The following SGCZ variants were observed in gnomAD, a reference collection of about 807,000 sequenced individuals.
The protein encoded by SGCZ is sarcoglycan zeta.
SGCZ carries 40 observed loss-of-function variants against 41.3 expected under a neutral mutation model. The observed-to-expected ratio is 0.97, with a 90% CI of 0.75 to 1.26. The LOEUF (loss-of-function observed/expected upper bound fraction) is 1.26, where lower values mean the gene tolerates loss of function less well. Ranked by LOEUF, SGCZ falls within the 50% of genes most tolerant of loss-of-function variation. The probability of loss-of-function intolerance (pLI) is 0.00; values close to 1 mark genes in which losing one functional copy is unlikely to be tolerated. For missense variants in SGCZ, 552 were observed against 369.8 expected, an observed-to-expected ratio of 1.49 and a Z score of -4.04; for synonymous variants, 206 against 137.5, an observed-to-expected ratio of 1.50 and a Z score of -3.49.
chr8:14,467,744 A>T (rs1801093075), intron 2 of SGCZ, among the ~76,000 whole-genome samples: 1 of 151,890 alleles, frequency 6.6e-6, no homozygotes, highest in Non-Finnish European at 1.5e-5. Context: ...AATCCTCCTC[A>T]TGTGCTTGCT....
intron 1 of SGCZ, among the ~76,000 whole-genome samples, chr8:14,616,038 C>T (rs1806089552): frequency 6.6e-6 from 1 of 152,084 alleles, no homozygotes; most frequent in African/African-American, 2.4e-5. Context: ...AATCCCAGCA[C>T]TTTGGGAGGC....
chr8:15,020,017 T>C (rs1803192077), intron 1 of SGCZ, among the ~76,000 whole-genome samples: 1 of 151,888 alleles, frequency 6.6e-6, no homozygotes, highest in African/African-American at 2.4e-5. Context: ...TATAAGTGCA[T>C]ATATTTTATG....
At chr8:14,642,228 T>A (rs898361322) in intron 1 of SGCZ, among the ~76,000 whole-genome samples, 1 of 151,774 alleles carries the variant, frequency 6.6e-6, no homozygotes, top group East Asian at 2.0e-4. Flanking sequence ...GAGAATCAGA[T>A]GGGACAAAAT....
chr8:14,153,485 T>C (rs1318383130), intron 5 of SGCZ, among the ~76,000 whole-genome samples: 1 of 152,010 alleles, frequency 6.6e-6, no homozygotes, highest in East Asian at 1.9e-4. Context: ...AAATGATACA[T>C]CCCATAGAGT....
chr8:14,277,048 A>C (rs1395462684), intron 3 of SGCZ, among the ~76,000 whole-genome samples: 1 of 152,008 alleles, frequency 6.6e-6, no homozygotes, highest in Non-Finnish European at 1.5e-5. Context: ...TTCCTTCCTC[A>C]CTTTGTTTGT....
At chr8:14,249,045 A>C (rs1258960449) in intron 3 of SGCZ, among the ~76,000 whole-genome samples, 2 of 152,218 alleles carry the variant, frequency 1.3e-5, no homozygotes, top group Admixed American at 1.3e-4. Context: ...ATGGGTGTCC[A>C]AATATTTGGT....
chr8:14,798,559 T>G (rs1801213080), intron 1 of SGCZ, among the ~76,000 whole-genome samples: 1 of 152,170 alleles, frequency 6.6e-6, no homozygotes, highest in South Asian at 2.1e-4. Flanking sequence ...GAAATATTAG[T>G]GCCAAACACT....
At chr8:15,057,727 A>G (rs1162712549) in intron 1 of SGCZ, among the ~76,000 whole-genome samples, 1 of 152,254 alleles carries the variant, frequency 6.6e-6, no homozygotes, top group Admixed American at 6.5e-5. Flanking sequence ...CAATTCTTCC[A>G]AGAATTAGCT....
intron 1 of SGCZ, among the ~76,000 whole-genome samples, chr8:14,709,662 C>T (rs890115699): frequency 3.3e-5 from 5 of 151,608 alleles, no homozygotes; most frequent in African/African-American, 1.2e-4. Flanking sequence ...TTTCATTAAT[C>T]GAGGCCCAAA....
intron 2 of SGCZ, among the ~76,000 whole-genome samples, chr8:14,346,618 T>C (rs1466774763): frequency 6.6e-6 from 1 of 151,920 alleles, no homozygotes; most frequent in East Asian, 1.9e-4. Context: ...ATTTATCTTA[T>C]CACAAAATAA....
At chr8:14,993,260 T>C (rs1298604154) in intron 1 of SGCZ, among the ~76,000 whole-genome samples, 1 of 152,160 alleles carries the variant, frequency 6.6e-6, no homozygotes, top group South Asian at 2.1e-4. Flanking sequence ...GTCCGTTGTA[T>C]GTATTTTATT....
chr8:14,420,064 T>C (rs984524191), intron 2 of SGCZ, among the ~76,000 whole-genome samples: 3 of 152,096 alleles, frequency 2.0e-5, no homozygotes, highest in Non-Finnish European at 2.9e-5. Context: ...ACAGACTATA[T>C]TAATCTCATT....
chr8:15,232,473 C>T (rs971517668), intron 1 of SGCZ, among the ~76,000 whole-genome samples: 1 of 151,974 alleles, frequency 6.6e-6, no homozygotes. Flanking sequence ...GTCCAACTTC[C>T]CACAAATGTA....
chr8:14,813,711 G>A (rs931166186), intron 1 of SGCZ, among the ~76,000 whole-genome samples: 1 of 152,116 alleles, frequency 6.6e-6, no homozygotes, highest in African/African-American at 2.4e-5. Flanking sequence ...CAACACTTTC[G>A]GAGAGGGAGG....
chr8:15,054,724 G>A (rs1433417844), intron 1 of SGCZ, among the ~76,000 whole-genome samples: 1 of 151,944 alleles, frequency 6.6e-6, no homozygotes, highest in East Asian at 1.9e-4. Flanking sequence ...GGAGGCTGAG[G>A]CGGGCAGACC....
At chr8:14,585,534 A>T (rs1432662610) in intron 1 of SGCZ, among the ~76,000 whole-genome samples, 2 of 152,088 alleles carry the variant, frequency 1.3e-5, no homozygotes, top group African/African-American at 2.4e-5. Flanking sequence ...TTGTTAAGAG[A>T]CTTGAAATGG....
At chr8:15,216,531 T>C (rs1053935829) in intron 1 of SGCZ, among the ~76,000 whole-genome samples, 2 of 151,988 alleles carry the variant, frequency 1.3e-5, no homozygotes, top group African/African-American at 4.8e-5. Flanking sequence ...GCTTATTCTT[T>C]CTAAAGGATG....
chr8:14,366,687 A>C (rs1803718729), intron 2 of SGCZ, among the ~76,000 whole-genome samples: 1 of 152,174 alleles, frequency 6.6e-6, no homozygotes, highest in Non-Finnish European at 1.5e-5. Context: ...AAAACTAACC[A>C]TGCCTTCCCA....
intron 1 of SGCZ, among the ~76,000 whole-genome samples, chr8:14,620,331 A>T (rs1474696169): frequency 1.3e-5 from 2 of 152,216 alleles, no homozygotes; most frequent in Non-Finnish European, 1.5e-5. Flanking sequence ...AAAACCATAA[A>T]AACCCTAGAA....
Sources: allele counts gnomAD v4.1 joint callset (sites outside exome capture counted in the v4.1 genomes callset), GRCh38; gene constraint gnomAD v4.1.1; transcripts MANE v1.5; gene names NCBI Gene and HGNC (gene_info 2026-07-23, HGNC 2026-07-21).